NEBL: variants seen among roughly 807,000 people sequenced by gnomAD.
NEBL encodes LIM and SH3 protein 2.
NEBL carries 122 observed loss-of-function variants against 140.2 expected under a neutral mutation model. That is an observed-to-expected ratio of 0.87 (90% CI 0.75 to 1.01). NEBL has a LOEUF of 1.01. Among genes scored for constraint, NEBL ranks in the 50% least tolerant of loss-of-function variants. The probability of loss-of-function intolerance (pLI) is 0.00; values close to 1 mark genes in which losing one functional copy is unlikely to be tolerated. For missense variants in NEBL, 1,365 were observed against 1,231.3 expected (o/e 1.11, Z -1.62); for synonymous variants, 436 against 398.9 (o/e 1.09, Z -1.11).
At chr10:21,044,120 G>A (rs1194943420) in intron 2 of NEBL, among the ~76,000 whole-genome samples, 1 of 152,134 alleles carries the variant, frequency 6.6e-6, no homozygotes, top group African/African-American at 2.4e-5. Context: ...CCATAGGCAG[G>A]GCACGATGGC....
chr10:21,157,140 G>GGA, intron 2 of NEBL, among the ~76,000 whole-genome samples: 1 of 152,096 alleles, frequency 6.6e-6, no homozygotes, highest in Non-Finnish European at 1.5e-5. Flanking sequence ...AAATCACAAA[G>GGA]ATATGCATGT....
chr10:21,140,944 A>G (rs1159794439), intron 2 of NEBL, among the ~76,000 whole-genome samples: 1 of 151,988 alleles, frequency 6.6e-6, no homozygotes, highest in African/African-American at 2.4e-5. Flanking sequence ...TGTTTCCCAG[A>G]ACTTAAAGTA....
intron 3 of NEBL, among the ~76,000 whole-genome samples, chr10:21,205,377 G>A (rs1163287357): frequency 2.6e-5 from 4 of 152,062 alleles, no homozygotes; most frequent in Non-Finnish European, 5.9e-5. Flanking sequence ...GATATTTAGG[G>A]CAATGTATAT....
At chr10:20,893,579 C>T (rs759599241) in intron 2 of NEBL, among the ~76,000 whole-genome samples, 12 of 152,124 alleles carry the variant, frequency 7.9e-5, no homozygotes, top group Non-Finnish European at 1.3e-4. Flanking sequence ...ACCTGAAAAA[C>T]GGACATTTCT....
chr10:21,186,884 C>T (rs1463939810), intron 3 of NEBL, among the ~76,000 whole-genome samples: 2 of 151,778 alleles, frequency 1.3e-5, no homozygotes, highest in African/African-American at 4.8e-5. Context: ...AAAAAAAAGC[C>T]TGTACATGTT....
chr10:21,213,413 G>A (rs1412284402), intron 3 of NEBL, among the ~76,000 whole-genome samples: 1 of 152,184 alleles, frequency 6.6e-6, no homozygotes, highest in Non-Finnish European at 1.5e-5. Flanking sequence ...CCGGAGAGGA[G>A]CGGAGGACGG....
chr10:21,115,451 C>T (rs1481483670), intron 2 of NEBL, among the ~76,000 whole-genome samples: 2 of 151,886 alleles, frequency 1.3e-5, no homozygotes, highest in African/African-American at 4.8e-5. Flanking sequence ...GTGACAAATT[C>T]TTTCAGCTTT....
intron 2 of NEBL, among the ~76,000 whole-genome samples, chr10:21,250,805 AT>A (rs1270048096): frequency 6.6e-6 from 1 of 152,112 alleles, no homozygotes; most frequent in East Asian, 1.9e-4. Context: ...AGGCAGGAGA[AT>A]CACTTGAACC....
intron 1 of NEBL, among the ~76,000 whole-genome samples, chr10:21,253,789 C>T (rs528954690): frequency 7.9e-5 from 12 of 152,146 alleles, no homozygotes; most frequent in African/African-American, 2.9e-4. Flanking sequence ...GATGATCTGT[C>T]CACCTTGGTC....
intron 2 of NEBL, among the ~76,000 whole-genome samples, chr10:21,159,799 C>T (rs1006507139): frequency 6.6e-6 from 1 of 152,178 alleles, no homozygotes; most frequent in African/African-American, 2.4e-5. Context: ...CAAGCCTCTC[C>T]ACTGTCACAA....
At chr10:21,140,984 T>G (rs991310687) in intron 2 of NEBL, among the ~76,000 whole-genome samples, 162 of 151,152 alleles carry the variant, frequency 1.1e-3, no homozygotes, top group African/African-American at 3.8e-3. Context: ...ATATCAATTT[T>G]GGTCCCATCA....
chr10:21,109,005 G>C (rs899332282), intron 2 of NEBL, among the ~76,000 whole-genome samples: 1 of 152,048 alleles, frequency 6.6e-6, no homozygotes, highest in African/African-American at 2.4e-5. Context: ...TCTCTTGCCC[G>C]ATTGCCCTGG....
chr10:21,191,488 C>G (rs372022821), intron 3 of NEBL, among the ~76,000 whole-genome samples: 14 of 152,078 alleles, frequency 9.2e-5, no homozygotes, highest in African/African-American at 1.9e-4. Flanking sequence ...ACATGGATAC[C>G]AGGTTAGGAA....
Position 20,808,631 on chromosome 10 carries a change from C to G in NEBL, c.2640G>C (p.Trp880Cys). The G allele has an allele frequency of 6.2e-7, 1 of 1,613,308 alleles. No individual in the cohort carries two copies. Residue 880 changes from tryptophan to cysteine, a missense_variant, in exon 26 of 28, where the codon TGG (tryptophan) becomes TGC (cysteine). Physicochemically the swap from Trp to Cys is radical, Grantham distance 215. Coordinates refer to ENST00000377122, the MANE Select transcript of NEBL (RefSeq NM_006393.3). The stretch of plus-strand genomic sequence containing the variant: ...AAGTACTGCTGGAATGGGATCGAGA[C>G]CAGTGTCGCCTATAGTGACTCGCCT... ...SEKASHYRRH[W>C]SRSHSSSTFG...
intron 3 of NEBL, among the ~76,000 whole-genome samples, chr10:21,002,123 T>C (rs1190669285): frequency 6.6e-6 from 1 of 152,080 alleles, no homozygotes; most frequent in Non-Finnish European, 1.5e-5. Flanking sequence ...AGGTGCTTCT[T>C]AGACAAGAGG....
In NEBL at chr10:20,797,843, G is replaced by A. The variant is rs151275892; in HGVS notation, c.2762-10535C>T. Among the ~76,000 whole-genome samples, 366 of 152,230 alleles carry A rather than the reference G, an allele frequency of 2.4e-3. 8 individuals carry two copies. Among genetic ancestry groups the A allele is most frequent in the East Asian group, 3.5e-3 (18 of 5,176 alleles). On this transcript the variant is annotated intron_variant, in intron 26 of 27. Coordinates refer to ENST00000377122, the MANE Select transcript of NEBL (RefSeq NM_006393.3). ...ATATAGACATGGTGGTTCCATGCCT[G>A]TAATCCCAGCAACTCAGGAGGCTGA... is the stretch of plus-strand genomic sequence containing the variant.
chr10:20,819,648 G>C (rs779403207), intron 19 of NEBL, 132 bp from the exon 20 acceptor site: 17 of 1,116,088 alleles, frequency 1.5e-5, no homozygotes, highest in Non-Finnish European at 2.3e-5. Context: ...GGATTTCATA[G>C]TGAAATATGT....
chr10:20,987,943 C>T (rs1837318385), intron 3 of NEBL, among the ~76,000 whole-genome samples: 1 of 152,176 alleles, frequency 6.6e-6, no homozygotes, highest in Non-Finnish European at 1.5e-5. Flanking sequence ...TTCCATGGTA[C>T]AGCATTATGG....
intron 26 of NEBL, among the ~76,000 whole-genome samples, chr10:20,792,802 T>C (rs1588609469): frequency 1.4e-5 from 2 of 140,492 alleles, no homozygotes. Flanking sequence ...TAATTCTGTC[T>C]CAAAAAAAAA....
Sources: gnomAD v4.1 joint callset for allele counts (sites outside exome capture counted in the v4.1 genomes callset) on GRCh38, gnomAD v4.1.1 for gene constraint, MANE v1.5 for transcripts, NCBI Gene and HGNC (gene_info 2026-07-23, HGNC 2026-07-21) for gene names.